Variants in LIMS2 observed in about 807,000 individuals in gnomAD.
The protein encoded by LIMS2 is LIM and senescent cell antigen-like-containing domain protein 2.
Under a neutral mutation model 45.3 loss-of-function variants are expected in LIMS2, and 30 were observed. The observed-to-expected ratio is 0.66, with a 90% CI of 0.50 to 0.90. LIMS2 has a LOEUF of 0.90. Among genes scored for constraint, LIMS2 ranks in the 40% least tolerant of loss-of-function variants. The pLI is 0.00. For missense variants in LIMS2, 485 were observed against 468.7 expected (o/e 1.03, Z -0.32); for synonymous variants, 173 against 188.0 (o/e 0.92, Z 0.65).
intron 3 of LIMS2, 130 bp downstream of exon 3, chr2:127,654,700 C>T (rs914585578): frequency 4.2e-5 from 62 of 1,468,870 alleles, no homozygotes; most frequent in Admixed American, 3.7e-4. Flanking sequence ...TGACGGCTGC[C>T]GCTCAGAGAG....
chr2:127,644,689 C>T (rs1417945298), intron 4 of LIMS2, among the ~76,000 whole-genome samples: 1 of 152,254 alleles, frequency 6.6e-6, no homozygotes, highest in Non-Finnish European at 1.5e-5. Flanking sequence ...CTCAAAACTC[C>T]ATCACCACGG....
chr2:127,664,570 G>A lies in LIMS2; in HGVS notation c.12-7008C>T, dbSNP rs1031844381. 2.2e-4 allele frequency: 258 copies of A among 1,146,950 alleles called. 1 individual carries two copies. In the African/African-American group the frequency reaches 3.8e-3, roughly 17 times the overall value. 71.0% of individuals were successfully genotyped at this position (1,146,950 alleles called of 1,614,324 possible). On this transcript the variant is annotated intron_variant, in intron 1 of 9. Coordinates refer to ENST00000355119, the MANE Select transcript of LIMS2 (RefSeq NM_001161403.3). This position sits in a 1 kb window ranked among gnomAD's most constrained non-coding sequence, Gnocchi z 5.5. ...GCGCTGGGATCTCCAAAGGGCAGCA[G>A]AGTCAACTCCAAATAGAAAGGATAT... is the stretch of plus-strand genomic sequence containing the variant.
At chr2:127,661,057 A>G (rs901630505) in intron 1 of LIMS2, among the ~76,000 whole-genome samples, 9 of 152,354 alleles carry the variant, frequency 5.9e-5, no homozygotes, top group African/African-American at 2.2e-4. Flanking sequence ...GACGGGACAG[A>G]CAGAAGCATG....
intron 1 of LIMS2, among the ~76,000 whole-genome samples, chr2:127,666,977 C>A (rs1169266175): frequency 6.6e-6 from 1 of 152,176 alleles, no homozygotes; most frequent in African/African-American, 2.4e-5. Context: ...TAGTTGGGGA[C>A]ACAAAGCCTA....
chr2:127,640,620 C>T (rs1230390824), intron 7 of LIMS2: 1 of 599,186 alleles, frequency 1.7e-6, no homozygotes, highest in Middle Eastern at 4.5e-4. Context: ...GCCTTCTGTA[C>T]CAGAGCAAGG....
chr2:127,675,631 C>G (rs566239283), upstream of LIMS2, among the ~76,000 whole-genome samples: 108 of 152,176 alleles, frequency 7.1e-4, 1 homozygote, highest in African/African-American at 2.5e-3. Flanking sequence ...CCCCGCCCGG[C>G]GCCCCCTCTG....
At chr2:127,676,333 A>T (rs567870901), upstream of LIMS2, among the ~76,000 whole-genome samples, 20 of 151,356 alleles carry the variant, frequency 1.3e-4, no homozygotes, top group South Asian at 6.3e-4. Context: ...CTGCAGTTCC[A>T]CCTGCAGAAA....
rs770801479 is a variant in LIMS2, at chr2:127,643,106, C to T, written c.360-34G>A. On this transcript the variant is annotated intron_variant, in intron 4 of 9. Transcript: ENST00000355119. ...GGCGGGGGCATTAGGGGCAGAGCCC[C>T]CACTCCCACACAGCCTGGCCACCTC... 21 of 1,543,504 alleles carry T rather than the reference C, an allele frequency of 1.4e-5. No homozygotes were observed. The Admixed American group carries it at 3.7e-4, about 27-fold the overall frequency.
At chr2:127,639,887 C>G (rs1035944501) in intron 9 of LIMS2, among the ~76,000 whole-genome samples, 183 bp downstream of exon 9, 5 of 152,136 alleles carry the variant, frequency 3.3e-5, no homozygotes, top group Non-Finnish European at 7.4e-5. Context: ...CCCTGGGGTC[C>G]CTGGATCCCC....
At chr2:127,650,683 G>A in intron 4 of LIMS2, 1 of 1,487,874 alleles carries the variant, frequency 6.7e-7, no homozygotes, top group African/African-American at 1.4e-5. Context: ...TAGATCGCAA[G>A]CTCATTGTGA....
intron 4 of LIMS2, chr2:127,643,920 C>T (rs1032696935): frequency 2.0e-5 from 8 of 398,512 alleles, no homozygotes; most frequent in African/African-American, 4.1e-5. Flanking sequence ...CACGGCTGCC[C>T]GACGCCCAGT....
chr2:127,679,090 T>G (rs1045841638), upstream of LIMS2, among the ~76,000 whole-genome samples: 1 of 152,036 alleles, frequency 6.6e-6, no homozygotes, highest in African/African-American at 2.4e-5. This position sits in a 1 kb window ranked among gnomAD's most constrained non-coding sequence, Gnocchi z 5.3. Context: ...CTGCCCCGTG[T>G]GCACACTGCT....
chr2:127,651,833 A>G (rs1683835863), intron 4 of LIMS2: 1 of 1,371,994 alleles, frequency 7.3e-7, no homozygotes, highest in Non-Finnish European at 1.0e-6. Flanking sequence ...CCCTTTCCCC[A>G]GCCACCTCCC....
At chr2:127,657,907 C>T (rs1190567692) in intron 1 of LIMS2, among the ~76,000 whole-genome samples, 1 of 152,220 alleles carries the variant, frequency 6.6e-6, no homozygotes, top group Non-Finnish European at 1.5e-5. Context: ...ATTATGGCCT[C>T]TTCCAGAAAA....
At chr2:127,659,554 C>G (rs941922060) in intron 1 of LIMS2, among the ~76,000 whole-genome samples, 6 of 152,192 alleles carry the variant, frequency 3.9e-5, no homozygotes, top group Admixed American at 1.3e-4. Flanking sequence ...TGTGAACCTC[C>G]TCTTCTGAAA....
intron 4 of LIMS2, chr2:127,651,083 C>T (rs61749508): frequency 1.9e-5 from 31 of 1,613,700 alleles, no homozygotes; most frequent in Middle Eastern, 1.6e-4. Flanking sequence ...TCAACATGTA[C>T]GCCAGCATCT....
rs1346721110 is a variant in LIMS2, at chr2:127,658,735, G to C, written c.12-1173C>G. 1.3e-5 allele frequency among the ~76,000 whole-genome samples: 2 copies of C among 152,246 alleles called. 1 individual carries two copies. The highest frequency in any genetic ancestry group is 1.3e-4 in the Admixed American group (2 of 15,294). On this transcript the variant is annotated intron_variant, in intron 1 of 9. Coordinates refer to ENST00000355119, the MANE Select transcript of LIMS2 (RefSeq NM_001161403.3). ...GGAGAACGTGGGTTCTGTCTCAAGT[G>C]TCAACTCCAGTGGATTCCTGGAAGA...
Position 127,647,144 on chromosome 2 carries a change from C to T in LIMS2, c.360-4072G>A, listed in dbSNP as rs1683075866. Among the ~76,000 whole-genome samples, 1 of 152,198 alleles carries T rather than the reference C, an allele frequency of 6.6e-6. No individual in the cohort carries two copies. The highest frequency in any genetic ancestry group is 1.5e-5 in the Non-Finnish European group (1 of 68,020). On this transcript the variant is annotated intron_variant, in intron 4 of 9. Coordinates refer to ENST00000355119, the MANE Select transcript of LIMS2 (RefSeq NM_001161403.3). The surrounding 1 kb of genome is among the most constrained non-coding windows in gnomAD (Gnocchi z 4.3). ...TCACTCAGGGCCCTGAGCCCAGTAA[C>T]ACTCTGCCGTCACTGTCCTGAAACT...
At chr2:127,665,871 A>G (rs1412021188) in intron 1 of LIMS2, among the ~76,000 whole-genome samples, 1 of 152,244 alleles carries the variant, frequency 6.6e-6, no homozygotes, top group African/African-American at 2.4e-5. Context: ...AGCACTGGAA[A>G]GGAGGCTACA....
Sources: gnomAD v4.1 joint callset for allele counts (sites outside exome capture counted in the v4.1 genomes callset) on GRCh38, gnomAD v4.1.1 for gene constraint, Gnocchi (gnomAD v3.1) non-coding constraint, MANE v1.5 for transcripts, NCBI Gene and HGNC (gene_info 2026-07-23, HGNC 2026-07-21) for gene names.